The following KCNJ6 variants were observed in gnomAD, a reference collection of about 807,000 sequenced individuals.
KCNJ6 encodes G protein-activated inward rectifier potassium channel 2.
Under a neutral mutation model 34.2 loss-of-function variants are expected in KCNJ6, and 9 were observed. The observed-to-expected ratio is 0.26, with a 90% CI of 0.16 to 0.46. The LOEUF (loss-of-function observed/expected upper bound fraction) is 0.46, where lower values mean the gene tolerates loss of function less well. Among genes scored for constraint, KCNJ6 ranks in the 20% least tolerant of loss-of-function variants. KCNJ6 has a pLI of 1.00. For synonymous variants in KCNJ6, 196 were observed against 207.1 expected, an observed-to-expected ratio of 0.95 and a Z score of 0.46; for missense variants, 236 against 531.3, an observed-to-expected ratio of 0.44 and a Z score of 5.46.
intron 3 of KCNJ6, among the ~76,000 whole-genome samples, chr21:37,668,045 T>C (rs1354429108): frequency 2.6e-5 from 4 of 152,128 alleles, no homozygotes; most frequent in African/African-American, 4.8e-5. Context: ...GCTCACGCCA[T>C]GGTCTGATCA....
chr21:37,754,063 C>A (rs1037749900), intron 2 of KCNJ6, among the ~76,000 whole-genome samples: 2 of 152,286 alleles, frequency 1.3e-5, no homozygotes, highest in East Asian at 1.9e-4. Context: ...GGGGCCTGGG[C>A]CACACATAAG....
intron 2 of KCNJ6, among the ~76,000 whole-genome samples, chr21:37,733,550 C>G (rs2054897079): frequency 6.6e-6 from 1 of 152,198 alleles, no homozygotes; most frequent in Non-Finnish European, 1.5e-5. Context: ...CTTCTAGGGA[C>G]TGTTGGTCAA....
intron 2 of KCNJ6, among the ~76,000 whole-genome samples, chr21:37,798,568 A>G (rs1337314393): frequency 6.6e-6 from 1 of 152,260 alleles, no homozygotes; most frequent in Non-Finnish European, 1.5e-5. Flanking sequence ...TGGTCTGTCC[A>G]GGACGGAATA....
chr21:37,812,429 C>G (rs1411220978), intron 2 of KCNJ6, among the ~76,000 whole-genome samples: 2 of 152,156 alleles, frequency 1.3e-5, no homozygotes, highest in Non-Finnish European at 2.9e-5. Flanking sequence ...TCATCTTACT[C>G]TGTCATTAAG....
chr21:37,704,751 T>G (rs1310617989), intron 3 of KCNJ6, among the ~76,000 whole-genome samples: 1 of 152,162 alleles, frequency 6.6e-6, no homozygotes, highest in Non-Finnish European at 1.5e-5. Context: ...TTAATTAGGC[T>G]GATCAAAGCC....
Position 37,655,219 on chromosome 21 carries a change from GTGTGTGAGAGAGAGAGAGAGAGAGAGA to G in KCNJ6, c.947-29762_947-29736del, listed in dbSNP as rs2054455482. 6.5e-5 allele frequency among the ~76,000 whole-genome samples: 6 copies of G among 91,676 alleles called. No individual in the cohort carries two copies. In the East Asian group the frequency reaches 1.4e-3, roughly 21 times the overall value. 60.1% of individuals were successfully genotyped at this position (91,676 alleles called of 152,430 possible). ...TGTGTGTGTGTGTGTGTGTGTGTGTGTGTGTGAGAGAGAGAGAGAGAGAGAGAGAGAGAGAGAGAGAGAGAGAGAGAG... is the reference window on the plus strand; with the variant it reads ...TGTGTGTGTGTGTGTGTGTGTGTGTGGAGAGAGAGAGAGAGAGAGAGAGAG... On this transcript the variant is annotated intron_variant, in intron 3 of 3. Transcript: ENST00000609713.
chr21:37,660,847 T>A (rs2123397786), intron 3 of KCNJ6, among the ~76,000 whole-genome samples: 1 of 152,312 alleles, frequency 6.6e-6, no homozygotes, highest in East Asian at 1.9e-4. Context: ...CCCATCGGTG[T>A]CCCCGTCTGT....
chr21:37,720,721 G>T (rs1242701748), intron 2 of KCNJ6, among the ~76,000 whole-genome samples: 1 of 133,756 alleles, frequency 7.5e-6, no homozygotes, highest in Non-Finnish European at 1.6e-5. Context: ...TTTTTTTTGA[G>T]ACGGAGTCTC....
chr21:37,722,935 C>T (rs2054834272), intron 2 of KCNJ6, among the ~76,000 whole-genome samples: 1 of 152,152 alleles, frequency 6.6e-6, no homozygotes, highest in Non-Finnish European at 1.5e-5. Flanking sequence ...AGTTGATACG[C>T]AGGCCCTAAT....
At chr21:37,896,525 A>G (rs1326639713) in intron 1 of KCNJ6, among the ~76,000 whole-genome samples, 1 of 152,120 alleles carries the variant, frequency 6.6e-6, no homozygotes, top group Admixed American at 6.5e-5. Context: ...CTGGAACATT[A>G]CGGGCACGGA....
At chr21:37,775,129 T>C (rs1374695631) in intron 2 of KCNJ6, among the ~76,000 whole-genome samples, 1 of 152,250 alleles carries the variant, frequency 6.6e-6, no homozygotes, top group Non-Finnish European at 1.5e-5. Flanking sequence ...CATGTGTCTT[T>C]TGGCTGCATA....
rs1278255561 is a variant in KCNJ6, at chr21:37,614,091, A to C, written c.*11068T>G. 1 of 152,120 alleles carries C rather than the reference A, an allele frequency of 6.6e-6. No individual in the cohort carries two copies. The highest frequency in any genetic ancestry group is 2.1e-4 in the South Asian group (1 of 4,822). The allele number at this position is 152,120 out of a possible 1,614,324, so 9.4% of individuals were successfully genotyped here. ...AAAAAATAAAATTTATCAAGTTTTT[A>C]AAAAAGGGGTGGAGGAAGCTATTTC... On this transcript the variant is annotated 3_prime_UTR_variant, in exon 4 of 4. Coordinates refer to ENST00000609713, the MANE Select transcript of KCNJ6 (RefSeq NM_002240.5).
chr21:37,785,342 A>G (rs1371975684), intron 2 of KCNJ6, among the ~76,000 whole-genome samples: 1 of 152,214 alleles, frequency 6.6e-6, no homozygotes, highest in African/African-American at 2.4e-5. Flanking sequence ...AAGATTTTAG[A>G]CAAGCACTGC....
At chr21:37,849,368 C>T (rs1044397407) in intron 1 of KCNJ6, among the ~76,000 whole-genome samples, 4 of 152,310 alleles carry the variant, frequency 2.6e-5, no homozygotes, top group Non-Finnish European at 4.4e-5. Flanking sequence ...CTAAGCCTTG[C>T]GGTGGCCAAT....
chr21:37,646,819 T>C (rs57061988), intron 3 of KCNJ6, among the ~76,000 whole-genome samples: 23,751 of 151,332 alleles, frequency 0.16, 3,111 homozygotes, highest in African/African-American at 0.36. Flanking sequence ...TACAGGCGCC[T>C]GCCACCACGC....
intron 2 of KCNJ6, among the ~76,000 whole-genome samples, chr21:37,729,318 T>C (rs1300734150): frequency 7.3e-6 from 1 of 137,694 alleles, no homozygotes; most frequent in Non-Finnish European, 1.6e-5. Context: ...TTCAATACCC[T>C]GATTCTTCTT....
At chr21:37,903,157 A>G (rs543591068) in intron 1 of KCNJ6, among the ~76,000 whole-genome samples, 2 of 152,244 alleles carry the variant, frequency 1.3e-5, no homozygotes, top group African/African-American at 2.4e-5. Flanking sequence ...ATTTGGCTGT[A>G]TCCCCACCCA....
chr21:37,775,130 T>C (rs2123506835), intron 2 of KCNJ6, among the ~76,000 whole-genome samples: 1 of 152,386 alleles, frequency 6.6e-6, no homozygotes, highest in East Asian at 1.9e-4. Flanking sequence ...ATGTGTCTTT[T>C]GGCTGCATAA....
Position 37,734,022 on chromosome 21 carries a change from G to C in KCNJ6, c.26-18891C>G, listed in dbSNP as rs563368588. Among the ~76,000 whole-genome samples, 31 of 152,318 alleles carry C rather than the reference G, an allele frequency of 2.0e-4. No homozygotes were observed. The South Asian group carries it at 6.4e-3, about 32-fold the overall frequency. ...CCTTAGCTGAATGAGAAGATGTTCA[G>C]TCCTGCCAGCTTCATTATCAGCAGG... On this transcript the variant is annotated intron_variant, in intron 2 of 3. Coordinates refer to ENST00000609713, the MANE Select transcript of KCNJ6 (RefSeq NM_002240.5).
Sources: gnomAD v4.1 joint callset for allele counts (sites outside exome capture counted in the v4.1 genomes callset) on GRCh38, gnomAD v4.1.1 for gene constraint, MANE v1.5 for transcripts, NCBI Gene and HGNC (gene_info 2026-07-23, HGNC 2026-07-21) for gene names.